The following ASB13 variants were observed in gnomAD, a reference collection of about 807,000 sequenced individuals.
The protein encoded by ASB13 is ankyrin repeat and SOCS box protein 13.
A neutral mutation model predicts 28.8 loss-of-function variants in ASB13; 33 were observed. The ratio of observed to expected loss-of-function variants is 1.15; its 90% confidence interval spans 0.87 to 1.53. The LOEUF is 1.53. ASB13 is among the 40% of genes most tolerant of loss of function. The pLI, the probability that ASB13 is intolerant of heterozygous loss-of-function variation, is 0.00. For missense variants in ASB13, 414 were observed against 390.1 expected, an observed-to-expected ratio of 1.06 and a Z score of -0.52; for synonymous variants, 182 against 172.9, an observed-to-expected ratio of 1.05 and a Z score of -0.41.
At position 5,650,465 on chromosome 10, in the gene ASB13, G is replaced by A. The variant is rs147575417; in HGVS notation, c.382+748C>T. The stretch of plus-strand genomic sequence containing the variant: ...ATGCAGCCATGGCCCTGCCAGCACC[G>A]TGGAAGGGCACATACCCCATACCCT... On this transcript the variant is annotated intron_variant, in intron 3 of 5. Coordinates refer to ENST00000357700, the MANE Select transcript of ASB13 (RefSeq NM_024701.4). This position sits in a 1 kb window ranked among gnomAD's most constrained non-coding sequence, Gnocchi z 6.0. Among the ~76,000 whole-genome samples the A allele has an allele frequency of 0.01, 1,584 of 152,316 alleles. 33 individuals are homozygous for A. Among genetic ancestry groups the A allele is most frequent in the African/African-American group, 0.035 (1,464 of 41,556 alleles).
At chr10:5,653,268 C>T (rs1033790128) in intron 1 of ASB13, among the ~76,000 whole-genome samples, 1 of 152,200 alleles carries the variant, frequency 6.6e-6, no homozygotes, top group African/African-American at 2.4e-5. Flanking sequence ...TCCTGTGGAC[C>T]CCGCTCACCT....
chr10:5,642,430 TAAC>T lies in ASB13; in HGVS notation c.518-472_518-470del. On this transcript the variant is annotated intron_variant, in intron 4 of 5. Transcript: ENST00000357700. The surrounding 1 kb of genome is among the most constrained non-coding windows in gnomAD (Gnocchi z 4.1). Reference sequence around the variant, plus strand: ...GTTGAATGAAAGAATAAATGTTCCTTAACAATGCATATTCTTTTACAAAAGGAA... The same window carrying T: ...GTTGAATGAAAGAATAAATGTTCCTTAATGCATATTCTTTTACAAAAGGAA... 1.0e-6 allele frequency: 1 copy of T among 978,180 alleles called. No homozygotes were observed. The highest frequency in any genetic ancestry group is 1.9e-5 in the South Asian group (1 of 51,316). 60.6% of individuals were successfully genotyped at this position (978,180 alleles called of 1,614,324 possible).
Position 5,663,420 on chromosome 10 carries a change from C to G in ASB13, c.43+3089G>C, listed in dbSNP as rs1051262737. On this transcript the variant is annotated intron_variant, in intron 1 of 5. Coordinates refer to ENST00000357700, the MANE Select transcript of ASB13 (RefSeq NM_024701.4). This position sits in a 1 kb window ranked among gnomAD's most constrained non-coding sequence, Gnocchi z 4.9. ...CATCACTCACCCAATTATCTGCTAC[C>G]CCGACTCCTCCCTTGCCCCTGGTCC... is the stretch of plus-strand genomic sequence containing the variant. Among the ~76,000 whole-genome samples the G allele has an allele frequency of 1.3e-5, 2 of 152,128 alleles. No homozygotes were observed. Among genetic ancestry groups the G allele is most frequent in the Admixed American group, 6.5e-5 (1 of 15,276 alleles).
intron 4 of ASB13, among the ~76,000 whole-genome samples, chr10:5,648,126 A>T (rs895652586): frequency 1.5e-4 from 22 of 151,420 alleles, no homozygotes; most frequent in African/African-American, 5.4e-4. Flanking sequence ...CACACAGGTA[A>T]ACACCCACTC....
Position 5,650,001 on chromosome 10 carries a change from A to ACCCAGC in ASB13, c.383-903_383-898dup, listed in dbSNP as rs1250641694. Among the ~76,000 whole-genome samples, 1 of 151,634 alleles carries ACCCAGC rather than the reference A, an allele frequency of 6.6e-6. No individual in the cohort carries two copies. Among genetic ancestry groups the ACCCAGC allele is most frequent in the African/African-American group, 2.4e-5 (1 of 41,208 alleles). ...CCCTAATTTTCCCCACCAGCCTCAC[A>ACCCAGC]CCCAGCCCCAGCCCCAGAGCCATGT... On this transcript the variant is annotated intron_variant, in intron 3 of 5. Transcript: ENST00000357700. The surrounding 1 kb of genome is among the most constrained non-coding windows in gnomAD (Gnocchi z 6.0).
chr10:5,641,136 C>G lies in ASB13; in HGVS notation c.710-306G>C, dbSNP rs1336081235. On this transcript the variant is annotated intron_variant, in intron 5 of 5. Transcript: ENST00000357700. The surrounding 1 kb of genome is among the most constrained non-coding windows in gnomAD (Gnocchi z 8.4). ...GCGACAGAGGCAAGAATCTCTTACT[C>G]TGTCACCCAGGCTGGAGTGCAGCGG... 6.6e-6 allele frequency among the ~76,000 whole-genome samples: 1 copy of G among 152,186 alleles called. No individual in the cohort carries two copies. Among genetic ancestry groups the G allele is most frequent in the African/African-American group, 2.4e-5 (1 of 41,444 alleles).
Position 5,642,364 on chromosome 10 carries a change from C to A in ASB13, c.518-403G>T, listed in dbSNP as rs1411999499. ...CCTCCAGCACAGACACACACTGCTT[C>A]TTCCTCTTGCGGGCCCAGGACGGAG... On this transcript the variant is annotated intron_variant, in intron 4 of 5. Transcript: ENST00000357700. The surrounding 1 kb of genome is among the most constrained non-coding windows in gnomAD (Gnocchi z 4.1). The A allele has an allele frequency of 3.6e-6, 2 of 551,676 alleles. No individual in the cohort carries two copies. The highest frequency in any genetic ancestry group is 5.1e-6 in the Non-Finnish European group (2 of 389,164). The allele number at this position is 551,676 out of a possible 1,614,324, so 34.2% of individuals were successfully genotyped here.
In ASB13 at chr10:5,664,178, C is replaced by T. The variant is rs867950227; in HGVS notation, c.43+2331G>A. On this transcript the variant is annotated intron_variant, in intron 1 of 5. Coordinates refer to ENST00000357700, the MANE Select transcript of ASB13 (RefSeq NM_024701.4). This position sits in a 1 kb window ranked among gnomAD's most constrained non-coding sequence, Gnocchi z 4.2. ...GAACTACCCCTGGGAGGGCACTGAA[C>T]GCAAAGGGATGCGCAAATCCCCATA... 8.5e-5 allele frequency among the ~76,000 whole-genome samples: 13 copies of T among 152,068 alleles called. No homozygotes were observed. The highest frequency in any genetic ancestry group is 5.9e-4 in the Admixed American group (9 of 15,262).
In ASB13 at chr10:5,664,734, G is replaced by A. The variant is rs1478994276; in HGVS notation, c.43+1775C>T. Among the ~76,000 whole-genome samples the A allele has an allele frequency of 6.6e-6, 1 of 152,156 alleles. No individual in the cohort carries two copies. Among genetic ancestry groups the A allele is most frequent in the Non-Finnish European group, 1.5e-5 (1 of 68,030 alleles). ...CTCACTCTGTCGCCCAGGCTGGAGT[G>A]CAATGGCATGATCTCAGCTCACTAC... On this transcript the variant is annotated intron_variant, in intron 1 of 5. Coordinates refer to ENST00000357700, the MANE Select transcript of ASB13 (RefSeq NM_024701.4). This position sits in a 1 kb window ranked among gnomAD's most constrained non-coding sequence, Gnocchi z 4.2.
chr10:5,654,069 T>C (rs1468899771), intron 1 of ASB13, among the ~76,000 whole-genome samples: 1 of 151,908 alleles, frequency 6.6e-6, no homozygotes, highest in African/African-American at 2.4e-5. Flanking sequence ...CATCCTTGTC[T>C]TGTTTCTAGT....
At position 5,664,294 on chromosome 10, in the gene ASB13, C is replaced by CTGCA. The variant is rs1564223642; in HGVS notation, c.43+2214_43+2215insTGCA. On this transcript the variant is annotated intron_variant, in intron 1 of 5. Coordinates refer to ENST00000357700, the MANE Select transcript of ASB13 (RefSeq NM_024701.4). The surrounding 1 kb of genome is among the most constrained non-coding windows in gnomAD (Gnocchi z 4.2). ...GGAAGACCCAAGGCTGCAGGGCACA[C>CTGCA]GTCTCCAAACACTGAACCAGGAGAG... Among the ~76,000 whole-genome samples the CTGCA allele has an allele frequency of 2.7e-5, 4 of 150,890 alleles. No homozygotes were observed. In the East Asian group the frequency reaches 7.8e-4, roughly 30 times the overall value.
At position 5,659,952 on chromosome 10, in the gene ASB13, C is replaced by T. The variant is rs1028499081; in HGVS notation, c.43+6557G>A. Among the ~76,000 whole-genome samples, 3 of 152,302 alleles carry T rather than the reference C, an allele frequency of 2.0e-5. No individual in the cohort carries two copies. Among genetic ancestry groups the T allele is most frequent in the South Asian group, 4.1e-4 (2 of 4,820 alleles). On this transcript the variant is annotated intron_variant, in intron 1 of 5. Transcript: ENST00000357700. The surrounding 1 kb of genome is among the most constrained non-coding windows in gnomAD (Gnocchi z 5.8). The stretch of plus-strand genomic sequence containing the variant: ...ATGATGCTTGCACACTCTGGCCAAG[C>T]GGGGGCTCGTGCATCCATTAAATGA...
At chr10:5,643,670 T>C (rs548948152) in intron 4 of ASB13, among the ~76,000 whole-genome samples, 8 of 152,356 alleles carry the variant, frequency 5.3e-5, no homozygotes, top group African/African-American at 1.9e-4. Flanking sequence ...GTTGCAATCA[T>C]AACACGAAGT....
chr10:5,651,643 C>T lies in ASB13; in HGVS notation c.232-280G>A. The T allele has an allele frequency of 2.9e-6, 1 of 344,226 alleles. No homozygotes were observed. The allele number at this position is 344,226 out of a possible 1,614,324, so 21.3% of individuals were successfully genotyped here. ...CCCCGCCCCAAACACCTAGTAAGCACAGAGCAGGACAGGGGAACCCTAGGC... is the reference window on the plus strand; with the variant it reads ...CCCCGCCCCAAACACCTAGTAAGCATAGAGCAGGACAGGGGAACCCTAGGC... On this transcript the variant is annotated intron_variant, in intron 2 of 5. Transcript: ENST00000357700. This position sits in a 1 kb window ranked among gnomAD's most constrained non-coding sequence, Gnocchi z 5.1.
At position 5,639,213 on chromosome 10, in the gene ASB13, A is replaced by G. The variant is rs1049875588; in HGVS notation, c.*1490T>C. ...GCCCCACCCCCAAGTACCCACGCGG[A>G]GAGGCCTCCAGTCATACAGCACAAA... On this transcript the variant is annotated 3_prime_UTR_variant, in exon 6 of 6. Transcript: ENST00000357700. 6.6e-6 allele frequency: 1 copy of G among 152,576 alleles called. No individual in the cohort carries two copies. The highest frequency in any genetic ancestry group is 2.4e-5 in the African/African-American group (1 of 41,432). The allele number at this position is 152,576 out of a possible 1,614,324, so 9.5% of individuals were successfully genotyped here. A position where few individuals can be genotyped will look rare whatever the true frequency, so the allele number is the denominator to read the frequency against.
At position 5,651,568 on chromosome 10, in the gene ASB13, C is replaced by T; in HGVS notation, c.232-205G>A. ...TCCTGAGTAGAGAAGTCATCTCGTT[C>T]AGGATTCTTTTCTCTCAGGGCAGGA... is the stretch of plus-strand genomic sequence containing the variant. On this transcript the variant is annotated intron_variant, in intron 2 of 5. Coordinates refer to ENST00000357700, the MANE Select transcript of ASB13 (RefSeq NM_024701.4). The surrounding 1 kb of genome is among the most constrained non-coding windows in gnomAD (Gnocchi z 5.1). The T allele has an allele frequency of 1.8e-6, 1 of 562,090 alleles. No individual in the cohort carries two copies. The highest frequency in any genetic ancestry group is 3.1e-6 in the Non-Finnish European group (1 of 325,194). 34.8% of individuals were successfully genotyped at this position (562,090 alleles called of 1,614,324 possible). A position where few individuals can be genotyped will look rare whatever the true frequency, so the allele number is the denominator to read the frequency against.
chr10:5,664,874 G>C lies in ASB13; in HGVS notation c.43+1635C>G, dbSNP rs1835232572. On this transcript the variant is annotated intron_variant, in intron 1 of 5. Coordinates refer to ENST00000357700, the MANE Select transcript of ASB13 (RefSeq NM_024701.4). The surrounding 1 kb of genome is among the most constrained non-coding windows in gnomAD (Gnocchi z 4.2). ...TTTTGTATTTTTATTTATTTATTTT[G>C]AGACAGAGTTTTGCTCTTGTCACCC... Among the ~76,000 whole-genome samples, 1 of 150,790 alleles carries C rather than the reference G, an allele frequency of 6.6e-6. No individual in the cohort carries two copies. Among genetic ancestry groups the C allele is most frequent in the Non-Finnish European group, 1.5e-5 (1 of 67,786 alleles).
intron 4 of ASB13, among the ~76,000 whole-genome samples, chr10:5,646,214 C>A (rs1161359224): frequency 6.6e-6 from 1 of 152,230 alleles, no homozygotes; most frequent in South Asian, 2.1e-4. Context: ...CCAGCCCCCA[C>A]CCCCGACTGT....
In ASB13 at chr10:5,648,997, C is replaced by T; in HGVS notation, c.490G>A (p.Asp164Asn). ...LHVACAREHL[D>N]CVKVLLNAGA... Reference sequence around the variant, plus strand: ...GCATTGAGCAGCACTTTGACACAGTCCAGATGCTCCCGGGCACAGGCAACG... The same window carrying T: ...GCATTGAGCAGCACTTTGACACAGTTCAGATGCTCCCGGGCACAGGCAACG... The change falls in exon 4 of 6, where the codon GAC (aspartate) becomes AAC (asparagine). Residue 164 changes from aspartate to asparagine, a missense_variant. By Grantham distance (23) the Asp-to-Asn change is conservative (BLOSUM62 1). Transcript: ENST00000357700. 2 of 1,614,274 alleles carry T rather than the reference C, an allele frequency of 1.2e-6. No individual in the cohort carries two copies. The highest frequency in any genetic ancestry group is 1.7e-6 in the Non-Finnish European group (2 of 1,180,052).
Sources: gnomAD v4.1 joint callset for allele counts (sites outside exome capture counted in the v4.1 genomes callset) on GRCh38, gnomAD v4.1.1 for gene constraint, Gnocchi (gnomAD v3.1) non-coding constraint, MANE v1.5 for transcripts, NCBI Gene and HGNC (gene_info 2026-07-23, HGNC 2026-07-21) for gene names.